The following WDR41 variants were observed in gnomAD, a reference collection of about 807,000 sequenced individuals.
WDR41 encodes the protein WD repeat domain 41, also known as WD repeat-containing protein 41.
A neutral mutation model predicts 69.3 loss-of-function variants in WDR41; 63 were observed. The observed-to-expected ratio is 0.91, with a 90% CI of 0.74 to 1.12. The LOEUF is 1.12. Ranked by LOEUF, WDR41 falls within the 50% of genes most tolerant of loss-of-function variation. The probability of loss-of-function intolerance (pLI) is 0.00; values close to 1 mark genes in which losing one functional copy is unlikely to be tolerated. For synonymous variants in WDR41, 185 were observed against 192.1 expected, an observed-to-expected ratio of 0.96 and a Z score of 0.31; for missense variants, 543 against 534.5, an observed-to-expected ratio of 1.02 and a Z score of -0.16.
chr5:77,516,489 CA>C (rs1375640832), intron 1 of WDR41, among the ~76,000 whole-genome samples: 1 of 152,056 alleles, frequency 6.6e-6, no homozygotes, highest in Non-Finnish European at 1.5e-5. Flanking sequence ...GTAGAAAATC[CA>C]AAATAAGAGT....
chr5:77,462,409 CAAAA>C (rs10670808), intron 4 of WDR41, among the ~76,000 whole-genome samples: 2 of 102,436 alleles, frequency 2.0e-5, no homozygotes, highest in Admixed American at 1.1e-4. Context: ...AACTCCGTCT[CAAAA>C]AAAAAAAAAA....
At chr5:77,516,309 A>G (rs1802291604) in intron 1 of WDR41, among the ~76,000 whole-genome samples, 1 of 152,204 alleles carries the variant, frequency 6.6e-6, no homozygotes, top group South Asian at 2.1e-4. Flanking sequence ...TAATACTGTC[A>G]TGATGCTTCT....
chr5:77,456,889 T>C (rs904370053), intron 5 of WDR41, among the ~76,000 whole-genome samples: 5 of 151,866 alleles, frequency 3.3e-5, no homozygotes, highest in Non-Finnish European at 7.4e-5. Flanking sequence ...TTTTTTTTTG[T>C]AGAGAAGTTT....
intron 2 of WDR41, among the ~76,000 whole-genome samples, chr5:77,470,240 T>C (rs1351030335): frequency 6.6e-6 from 1 of 152,102 alleles, no homozygotes; most frequent in Non-Finnish European, 1.5e-5. Flanking sequence ...AGAGATTTTG[T>C]CACCACCAGG....
At chr5:77,595,492 A>G (rs1057447016) in intron 1 of WDR41, among the ~76,000 whole-genome samples, 4 of 152,192 alleles carry the variant, frequency 2.6e-5, no homozygotes, top group South Asian at 2.1e-4. Context: ...ATTATACAGC[A>G]GAGAAATGTT....
At position 77,432,992 on chromosome 5, in the gene WDR41, C is replaced by T; in HGVS notation, c.*143G>A. 1 of 870,418 alleles carries T rather than the reference C, an allele frequency of 1.1e-6. No individual in the cohort carries two copies. The highest frequency in any genetic ancestry group is 1.7e-6 in the Non-Finnish European group (1 of 587,582). The allele number at this position is 870,418 out of a possible 1,614,324, so 53.9% of individuals were successfully genotyped here. On this transcript the variant is annotated 3_prime_UTR_variant, in exon 13 of 13. Coordinates refer to ENST00000296679, the MANE Select transcript of WDR41 (RefSeq NM_018268.4). ...AGCAACATGTTCCTGGTTGGTAGGT[C>T]CACAAAAAATTTAAACATGTAGAAT...
chr5:77,478,173 G>T (rs192580975), intron 2 of WDR41, among the ~76,000 whole-genome samples: 92,473 of 151,870 alleles, frequency 0.61, 29,884 homozygotes, highest in African/African-American at 0.83. Context: ...TGAAATTGTG[G>T]CAATAATCAA....
chr5:77,615,558 C>T (rs1001099520), intron 1 of WDR41, among the ~76,000 whole-genome samples: 1 of 151,882 alleles, frequency 6.6e-6, no homozygotes, highest in African/African-American at 2.4e-5. Context: ...TTGATGGTTA[C>T]TATAATAGCC....
intron 1 of WDR41, among the ~76,000 whole-genome samples, chr5:77,609,011 C>A (rs758102933): frequency 1.7e-4 from 26 of 152,220 alleles, no homozygotes; most frequent in South Asian, 2.1e-4. Flanking sequence ...TATCCCGCAC[C>A]TGGCTCGGAG....
chr5:77,566,505 C>A (rs746682617), intron 1 of WDR41, among the ~76,000 whole-genome samples: 2 of 152,118 alleles, frequency 1.3e-5, no homozygotes, highest in Admixed American at 6.6e-5. Flanking sequence ...ACTGTCCATT[C>A]TGAAGGCTAT....
At chr5:77,466,832 G>C (rs889574009) in intron 2 of WDR41, among the ~76,000 whole-genome samples, 25 of 137,376 alleles carry the variant, frequency 1.8e-4, no homozygotes, top group African/African-American at 6.5e-4. Flanking sequence ...TGCCATTTCA[G>C]TATTTATTAC....
At chr5:77,591,818 A>G (rs1744142588) in intron 1 of WDR41, among the ~76,000 whole-genome samples, 1 of 152,090 alleles carries the variant, frequency 6.6e-6, no homozygotes. Flanking sequence ...CCATATGATC[A>G]ATTTTAGTAA....
At chr5:77,558,094 T>TTAAAAAAA (rs1554036365) in intron 1 of WDR41, among the ~76,000 whole-genome samples, 3 of 104,306 alleles carry the variant, frequency 2.9e-5, no homozygotes, top group African/African-American at 7.2e-5. Context: ...ATGTTCTTTT[T>TTAAAAAAA]AAAAAAAAAA....
At chr5:77,459,666 A>ATT (rs1799961966) in intron 4 of WDR41, among the ~76,000 whole-genome samples, 1 of 152,162 alleles carries the variant, frequency 6.6e-6, no homozygotes, top group African/African-American at 2.4e-5. Context: ...AAGCACAGTG[A>ATT]TTTTCAAACT....
chr5:77,491,681 G>C (rs335666), intron 1 of WDR41: 94,651 of 155,208 alleles, frequency 0.61, 30,717 homozygotes, highest in African/African-American at 0.84. Context: ...TTTTTCGGTT[G>C]TTGGATAAGT....
In WDR41 at chr5:77,492,166, T is replaced by C; in HGVS notation, c.51+4A>G. ...GACGCAGAGCAGACCCACCCGGGGTTTACCTCGGCCAGTCCCTGCGGTTCT... is the reference window on the plus strand; with the variant it reads ...GACGCAGAGCAGACCCACCCGGGGTCTACCTCGGCCAGTCCCTGCGGTTCT... On this transcript the variant is annotated splice_donor_region_variant and intron_variant, in intron 1 of 12. Coordinates refer to ENST00000296679, the MANE Select transcript of WDR41 (RefSeq NM_018268.4). 6.2e-7 allele frequency: 1 copy of C among 1,611,648 alleles called. No individual in the cohort carries two copies. The highest frequency in any genetic ancestry group is 8.5e-7 in the Non-Finnish European group (1 of 1,179,144).
chr5:77,440,189 A>G (rs1341659646), intron 9 of WDR41, among the ~76,000 whole-genome samples: 1 of 152,240 alleles, frequency 6.6e-6, no homozygotes, highest in Non-Finnish European at 1.5e-5. Flanking sequence ...CGAAGGGTAC[A>G]ATTCATAAAC....
At position 77,453,861 on chromosome 5, in the gene WDR41, C is replaced by A; in HGVS notation, c.479G>T (p.Arg160Leu). 6.2e-7 allele frequency: 1 copy of A among 1,614,050 alleles called. No homozygotes were observed. Among genetic ancestry groups the A allele is most frequent in the Non-Finnish European group, 8.5e-7 (1 of 1,179,982 alleles). The part of the protein sequence containing the change: ...SGGNDLCVWN[R>L]KLDLLCKTSH... ...AGTCTTACACAGGAGATCTAATTTT[C>A]GGTTCCACACACACAGGTCATTCCC... The change falls in exon 6 of 13, where the codon CGA becomes CTA. Residue 160 changes from arginine to leucine, a missense_variant. Arg to Leu is a moderately radical substitution (Grantham distance 102). Transcript: ENST00000296679.
rs1744727327 is a variant in WDR41 at position 77,618,909 on chromosome 5, G to T, written c.42+1570C>A. ...AAGAAATGGGATCCCATAGAAGGTG[G>T]TGGGCATCCTGTCCATAAGCTATGC... On this transcript the variant is annotated intron_variant, in intron 1 of 5. Coordinates refer to the WDR41 transcript ENST00000509971. Among the ~76,000 whole-genome samples, 5 of 152,254 alleles carry T rather than the reference G, an allele frequency of 3.3e-5. No homozygotes were observed. The South Asian group carries it at 8.3e-4, about 25-fold the overall frequency.
Sources: allele counts gnomAD v4.1 joint callset (sites outside exome capture counted in the v4.1 genomes callset), GRCh38; gene constraint gnomAD v4.1.1; transcripts MANE v1.5; gene names NCBI Gene and HGNC (gene_info 2026-07-23, HGNC 2026-07-21).